NAV1: variants seen among roughly 807,000 people sequenced by gnomAD.
NAV1 encodes the protein neuron navigator 1.
Under a neutral mutation model 175.2 loss-of-function variants are expected in NAV1, and 18 were observed. The observed-to-expected ratio is 0.10, with a 90% CI of 0.07 to 0.15. The LOEUF is 0.15. Ranked by LOEUF, NAV1 falls within the 10% of genes least tolerant of loss-of-function variation. The pLI is 1.00. For missense variants in NAV1, 1,731 were observed against 2,436.6 expected (o/e 0.71, Z 6.10); for synonymous variants, 897 against 978.7 (o/e 0.92, Z 1.56).
At chr1:201,628,998 T>C (rs1553245947) in intron 1 of NAV1, among the ~76,000 whole-genome samples, 1 of 152,206 alleles carries the variant, frequency 6.6e-6, no homozygotes, top group Non-Finnish European at 1.5e-5. Flanking sequence ...GAGGGAGCTC[T>C]TCCCTGTGTA....
rs898650947 is a variant in NAV1, at chr1:201,623,422, T to C, written c.-285T>C. On this transcript the variant is annotated 5_prime_UTR_variant, in exon 1 of 30. Coordinates refer to the NAV1 transcript ENST00000367302. ...AGGAAAAGACCAAAGAGATATAAAC[T>C]ACAAAAGTTCTGGGACCCCCAGGTC... 5.1e-6 allele frequency: 5 copies of C among 985,680 alleles called. No individual in the cohort carries two copies. The African/African-American group carries it at 8.7e-5, about 17-fold the overall frequency. The allele number at this position is 985,680 out of a possible 1,614,324, so 61.1% of individuals were successfully genotyped here.
chr1:201,812,642 C>T lies in NAV1; in HGVS notation c.5202C>T (p.Ser1734=). Residue 1734 remains serine, a synonymous_variant, in exon 27 of 30, where the codon AGC becomes AGT. Transcript: ENST00000367296. This position sits in a 1 kb window ranked among gnomAD's most constrained non-coding sequence, Gnocchi z 4.6. ...TCCACACCTTCCTTGAGAAGCACAG[C>T]ACCTCAGACTTCCTCATCGGTACTG... 1 of 1,613,754 alleles carries T rather than the reference C, an allele frequency of 6.2e-7. No individual in the cohort carries two copies. The highest frequency in any genetic ancestry group is 8.5e-7 in the Non-Finnish European group (1 of 1,180,016).
chr1:201,659,840 T>C (rs1331101171), intron 1 of NAV1, among the ~76,000 whole-genome samples: 1 of 152,126 alleles, frequency 6.6e-6, no homozygotes. Flanking sequence ...GTTTCCCTTC[T>C]CCTAAACTCA....
At chr1:201,767,090 A>G (rs1571471489) in intron 3 of NAV1, among the ~76,000 whole-genome samples, 1 of 149,794 alleles carries the variant, frequency 6.7e-6, no homozygotes, top group East Asian at 2.1e-4. Context: ...AAGTGCTGGG[A>G]TTACAGGTGT....
At chr1:201,585,665 A>T (rs1360223416) in intron 1 of NAV1, among the ~76,000 whole-genome samples, 1 of 152,214 alleles carries the variant, frequency 6.6e-6, no homozygotes, top group African/African-American at 2.4e-5. Context: ...TTGAATAGAC[A>T]TTTCTTCAAA....
intron 17 of NAV1, among the ~76,000 whole-genome samples, chr1:201,806,236 C>T (rs1678270459): frequency 6.6e-6 from 1 of 152,144 alleles, no homozygotes; most frequent in Admixed American, 6.5e-5. Flanking sequence ...TCGCCCACCT[C>T]CGCCTCCAAA....
At chr1:201,798,536 C>G (rs1241439275) in intron 15 of NAV1, 1 of 148,012 alleles carries the variant, frequency 6.8e-6, no homozygotes, top group Non-Finnish European at 1.5e-5. Context: ...TGCTTGAGCC[C>G]AGGAGGTAGA....
chr1:201,709,098 C>T (rs1049735391), intron 1 of NAV1, among the ~76,000 whole-genome samples: 6 of 146,626 alleles, frequency 4.1e-5, no homozygotes, highest in East Asian at 2.0e-4. Context: ...TGCAGTGAGG[C>T]GTGATCATGC....
chr1:201,546,903 C>CAA (rs534761806), intron 1 of NAV1, among the ~76,000 whole-genome samples: 2 of 58,996 alleles, frequency 3.4e-5, no homozygotes, highest in Admixed American at 1.6e-4. Flanking sequence ...AACTCTGTCT[C>CAA]AAAAAAAAAA....
Position 201,780,960 on chromosome 1 carries a change from G to A in NAV1, c.1366-52G>A, listed in dbSNP as rs1676287720. The A allele has an allele frequency of 1.3e-5, 20 of 1,528,456 alleles. No individual in the cohort carries two copies. In the South Asian group the frequency reaches 2.4e-4, roughly 18 times the overall value. The allele number at this position is 1,528,456 out of a possible 1,614,324, so 94.7% of individuals were successfully genotyped here. A position where few individuals can be genotyped will look rare whatever the true frequency, so the allele number is the denominator to read the frequency against. On this transcript the variant is annotated intron_variant, in intron 4 of 29. Transcript: ENST00000367296. ...TAAAATCAATCCTGTCAGCTATCCA[G>A]TCTCCCATCTGCATAGAAGTATCTC...
intron 1 of NAV1, among the ~76,000 whole-genome samples, chr1:201,698,841 C>A (rs1485472951): frequency 1.3e-5 from 2 of 152,316 alleles, no homozygotes; most frequent in East Asian, 3.9e-4. Context: ...CAAAAGCCTG[C>A]CCTTACCTTT....
chr1:201,782,953 C>T lies in NAV1; in HGVS notation c.2357+84C>T. On this transcript the variant is annotated intron_variant, in intron 6 of 29. Coordinates refer to ENST00000367296, the Ensembl canonical transcript of NAV1. The surrounding 1 kb of genome is among the most constrained non-coding windows in gnomAD (Gnocchi z 5.4). ...TCTGCCCTCCTTGGACTAGATGAGG[C>T]ATGGCCTATCCACCGTTGTCTCTAG... 8.4e-7 allele frequency: 1 copy of T among 1,193,326 alleles called. No individual in the cohort carries two copies. The highest frequency in any genetic ancestry group is 1.2e-6 in the Non-Finnish European group (1 of 852,346). The allele number at this position is 1,193,326 out of a possible 1,614,324, so 73.9% of individuals were successfully genotyped here. A position where few individuals can be genotyped will look rare whatever the true frequency, so the allele number is the denominator to read the frequency against.
At chr1:201,566,533 C>A (rs746304261) in intron 1 of NAV1, among the ~76,000 whole-genome samples, 8 of 152,132 alleles carry the variant, frequency 5.3e-5, no homozygotes, top group Non-Finnish European at 1.0e-4. Context: ...CACAGCCCCT[C>A]GAGTTCTAGG....
intron 1 of NAV1, among the ~76,000 whole-genome samples, chr1:201,567,069 C>G (rs1666376864): frequency 6.6e-6 from 1 of 152,030 alleles, no homozygotes; most frequent in African/African-American, 2.4e-5. Flanking sequence ...CCCCCATCCC[C>G]AGCCACCGGA....
intron 1 of NAV1, among the ~76,000 whole-genome samples, chr1:201,711,643 T>G (rs1671912879): frequency 6.6e-6 from 1 of 152,226 alleles, no homozygotes; most frequent in South Asian, 2.1e-4. Context: ...GGGTTTTCTC[T>G]GTTGTTTTGC....
chr1:201,809,845 T>G, intron 22 of NAV1, 101 bp from the exon 27 acceptor site: 1 of 1,172,154 alleles, frequency 8.5e-7, no homozygotes, highest in Non-Finnish European at 1.2e-6. Context: ...GCTCTGCACT[T>G]TCTCCATCTA....
At chr1:201,551,748 C>G (rs192881408) in intron 1 of NAV1, among the ~76,000 whole-genome samples, 1 of 152,134 alleles carries the variant, frequency 6.6e-6, no homozygotes, top group Admixed American at 6.5e-5. Context: ...AAAAGTGTTA[C>G]GTTTTGAGGT....
chr1:201,566,630 A>C (rs1031336836), intron 1 of NAV1, among the ~76,000 whole-genome samples: 6 of 152,130 alleles, frequency 3.9e-5, no homozygotes, highest in East Asian at 1.9e-4. Flanking sequence ...CTGTTGGATC[A>C]CAGAGGGCAC....
chr1:201,685,602 G>A (rs1007100597), intron 1 of NAV1, among the ~76,000 whole-genome samples: 7 of 152,154 alleles, frequency 4.6e-5, no homozygotes, highest in Admixed American at 4.6e-4. Context: ...ATCCGTTACC[G>A]CCTGTGGCAG....
Sources: allele counts gnomAD v4.1 joint callset (sites outside exome capture counted in the v4.1 genomes callset), GRCh38; gene constraint gnomAD v4.1.1; non-coding constraint Gnocchi (gnomAD v3.1); transcripts MANE v1.5; gene names NCBI Gene and HGNC (gene_info 2026-07-23, HGNC 2026-07-21).